Variants in CFTR observed in about 807,000 individuals in gnomAD.
The protein encoded by CFTR is cystic fibrosis transmembrane conductance regulator.
Under a neutral mutation model 171.6 loss-of-function variants are expected in CFTR, and 181 were observed. The ratio of observed to expected loss-of-function variants is 1.05; its 90% CI spans 0.93 to 1.19. The LOEUF (loss-of-function observed/expected upper bound fraction) is 1.19, where lower values mean the gene tolerates loss of function less well. Among genes scored for constraint, CFTR ranks in the 50% most tolerant of loss-of-function variants. The probability of loss-of-function intolerance (pLI) is 0.00; values close to 1 mark genes in which losing one functional copy is unlikely to be tolerated. For synonymous variants in CFTR, 583 were observed against 608.0 expected (o/e 0.96, Z 0.60); for missense variants, 1,968 against 1,734.7 (o/e 1.13, Z -2.39).
chr7:117,592,605 C>A lies in CFTR; in HGVS notation c.2438C>A (p.Ser813Tyr). 6.5e-7 allele frequency: 1 copy of A among 1,527,886 alleles called. No individual in the cohort carries two copies. Among genetic ancestry groups the A allele is most frequent in the Non-Finnish European group, 8.7e-7 (1 of 1,144,886 alleles). The allele number at this position is 1,527,886 out of a possible 1,614,324, so 94.6% of individuals were successfully genotyped here. A position where few individuals can be genotyped will look rare whatever the true frequency, so the allele number is the denominator to read the frequency against. ...TELDIYSRRL[S>Y]QETGLEISEE... is the part of the protein sequence containing the mutation. ...CTGGATATATATTCAAGAAGGTTAT[C>A]TCAAGAAACTGGCTTGGAAATAAGT... Residue 813 changes from serine to tyrosine, a missense_variant, in exon 14 of 27, where the codon TCT (serine) becomes TAT (tyrosine). Coordinates refer to ENST00000003084, the MANE Select transcript of CFTR (RefSeq NM_000492.4).
At chr7:117,540,020 C>A in intron 7 of CFTR, 80 bp from the exon 8 acceptor site, 2 of 1,222,392 alleles carry the variant, frequency 1.6e-6, no homozygotes, top group Non-Finnish European at 1.2e-6. Context: ...AGAGACCATG[C>A]TCAGATCTTC....
At chr7:117,660,561 C>T (rs953196802) in intron 24 of CFTR, among the ~76,000 whole-genome samples, 5 of 151,772 alleles carry the variant, frequency 3.3e-5, no homozygotes, top group African/African-American at 4.8e-5. Flanking sequence ...ACCTGGGAGT[C>T]GGAGGTTGCA....
chr7:117,654,677 G>A (rs1033401881), intron 24 of CFTR, among the ~76,000 whole-genome samples: 19 of 152,170 alleles, frequency 1.2e-4, no homozygotes, highest in Admixed American at 6.5e-5. Context: ...TTTCCCTTCC[G>A]CCATGATTGT....
intron 11 of CFTR, among the ~76,000 whole-genome samples, chr7:117,572,839 C>A (rs1791714511): frequency 6.6e-6 from 1 of 152,154 alleles, no homozygotes; most frequent in Non-Finnish European, 1.5e-5. Context: ...GTTCATGTTT[C>A]CTTTACCCAA....
chr7:117,562,242 G>A (rs1791516729), intron 11 of CFTR, among the ~76,000 whole-genome samples: 1 of 152,092 alleles, frequency 6.6e-6, no homozygotes, highest in Non-Finnish European at 1.5e-5. Context: ...ACATGACATA[G>A]GAGAAATACC....
rs187146610 is a variant in CFTR, at chr7:117,585,678, G to C, written c.1585-2061G>C. Among the ~76,000 whole-genome samples, 6 of 152,188 alleles carry C rather than the reference G, an allele frequency of 3.9e-5. No homozygotes were observed. Among genetic ancestry groups the C allele is most frequent in the Non-Finnish European group, 5.9e-5 (4 of 68,014 alleles). ...TTTTTTAGATATTGAGTCTTGCTCTGTCATCCAGGCTGCAGTGCAGTGGTG... is the reference window on the plus strand; with the variant it reads ...TTTTTTAGATATTGAGTCTTGCTCTCTCATCCAGGCTGCAGTGCAGTGGTG... On this transcript the variant is annotated intron_variant, in intron 11 of 26. Coordinates refer to ENST00000003084, the MANE Select transcript of CFTR (RefSeq NM_000492.4).
At chr7:117,592,960 G>A (rs1792058890) in intron 14 of CFTR, among the ~76,000 whole-genome samples, 1 of 152,146 alleles carries the variant, frequency 6.6e-6, no homozygotes, top group Admixed American at 6.5e-5. Context: ...TTACCATCTT[G>A]AACCCTCTGT....
chr7:117,481,181 A>G (rs371028303), intron 1 of CFTR, among the ~76,000 whole-genome samples: 5 of 152,210 alleles, frequency 3.3e-5, no homozygotes, highest in South Asian at 4.1e-4. Flanking sequence ...CTCCGGTGCT[A>G]AGGAGAGACT....
chr7:117,575,138 A>G (rs1791752296), intron 11 of CFTR, among the ~76,000 whole-genome samples: 1 of 152,146 alleles, frequency 6.6e-6, no homozygotes, highest in African/African-American at 2.4e-5. Context: ...TATGATACAT[A>G]CACACATTTT....
At position 117,666,901 on chromosome 7, in the gene CFTR, T is replaced by A; in HGVS notation, c.4243-7T>A. The A allele has an allele frequency of 6.2e-7, 1 of 1,613,834 alleles. No individual in the cohort carries two copies. On this transcript the variant is annotated splice_polypyrimidine_tract_variant and splice_region_variant and intron_variant, in intron 26 of 26. Coordinates refer to ENST00000003084, the MANE Select transcript of CFTR (RefSeq NM_000492.4). ...GTCCCAGATCTCACTAACAGCCATT[T>A]CCCTAGGTCATAGAAGAGAACAAAG...
At chr7:117,483,409 C>T (rs562830571) in intron 1 of CFTR, among the ~76,000 whole-genome samples, 16 of 151,962 alleles carry the variant, frequency 1.1e-4, no homozygotes, top group Admixed American at 3.3e-4. Context: ...GACTTGCTTC[C>T]AAGTGACTTT....
intron 22 of CFTR, among the ~76,000 whole-genome samples, chr7:117,633,569 G>A (rs189795661): frequency 1.3e-4 from 20 of 151,590 alleles, no homozygotes; most frequent in African/African-American, 4.6e-4. Flanking sequence ...TCTTGGTCTT[G>A]TTCTTGATCT....
intron 9 of CFTR, among the ~76,000 whole-genome samples, chr7:117,547,237 C>T (rs556848292): frequency 6.6e-6 from 1 of 152,254 alleles, no homozygotes; most frequent in Non-Finnish European, 1.5e-5. Flanking sequence ...ACCCCTGACA[C>T]ACTTTTAAGT....
At chr7:117,620,530 T>C (rs1354801357) in intron 21 of CFTR, among the ~76,000 whole-genome samples, 2 of 152,192 alleles carry the variant, frequency 1.3e-5, no homozygotes, top group Non-Finnish European at 2.9e-5. Flanking sequence ...TTGTCAGAGC[T>C]GATCAAAGAA....
At chr7:117,588,531 T>G (rs552158668) in intron 12 of CFTR, among the ~76,000 whole-genome samples, 16 of 152,130 alleles carry the variant, frequency 1.1e-4, no homozygotes, top group Non-Finnish European at 2.4e-4. Context: ...CTTCTCACTT[T>G]GTTGCCAAAG....
intron 24 of CFTR, among the ~76,000 whole-genome samples, chr7:117,659,573 A>T (rs1024759091): frequency 1.3e-5 from 2 of 152,194 alleles, no homozygotes; most frequent in African/African-American, 4.8e-5. Context: ...GAGGGCCTTG[A>T]CTGGGACAGC....
At chr7:117,616,158 T>C (rs986593243) in intron 21 of CFTR, 1 of 152,094 alleles carries the variant, frequency 6.6e-6, no homozygotes, top group African/African-American at 2.4e-5. Context: ...TTATTTTCTT[T>C]AAGCATTTTC....
intron 8 of CFTR, 98 bp from the exon 9 acceptor site, chr7:117,541,916 CAT>C: frequency 2.1e-6 from 1 of 482,458 alleles, no homozygotes; most frequent in South Asian, 3.9e-5. Context: ...TATTAAAATT[CAT>C]ATATAAGATG....
chr7:117,549,382 C>T (rs1799230347), intron 10 of CFTR, among the ~76,000 whole-genome samples: 3 of 152,088 alleles, frequency 2.0e-5, no homozygotes, highest in Admixed American at 6.6e-5. Context: ...CTAAGAACAA[C>T]TTAACCTGGC....
Sources: gnomAD v4.1 joint callset for allele counts (sites outside exome capture counted in the v4.1 genomes callset) on GRCh38, gnomAD v4.1.1 for gene constraint, MANE v1.5 for transcripts, NCBI Gene and HGNC (gene_info 2026-07-23, HGNC 2026-07-21) for gene names.